ADAMTS6: variants seen among roughly 807,000 people sequenced by gnomAD.
ADAMTS6 encodes A disintegrin and metalloproteinase with thrombospondin motifs 6.
Under a neutral mutation model 144.3 loss-of-function variants are expected in ADAMTS6, and 23 were observed. That is an observed-to-expected ratio of 0.16 (90% CI 0.11 to 0.23). The LOEUF (loss-of-function observed/expected upper bound fraction) is 0.23. Among genes scored for constraint, ADAMTS6 ranks in the 10% least tolerant of loss-of-function variants. ADAMTS6 has a pLI of 1.00. For synonymous variants in ADAMTS6, 444 were observed against 457.5 expected (o/e 0.97, Z 0.38); for missense variants, 999 against 1,379.6 (o/e 0.72, Z 4.37).
chr5:65,163,100 G>C (rs1392545604), intron 24 of ADAMTS6, among the ~76,000 whole-genome samples: 1 of 152,076 alleles, frequency 6.6e-6, no homozygotes, highest in Admixed American at 6.6e-5. Flanking sequence ...TGTAGAGACA[G>C]TGTCTCACTA....
At chr5:65,175,885 A>T (rs1358336885) in intron 22 of ADAMTS6, among the ~76,000 whole-genome samples, 2 of 152,056 alleles carry the variant, frequency 1.3e-5, no homozygotes, top group Non-Finnish European at 2.9e-5. Flanking sequence ...AAAAAAAAAA[A>T]ACATCTATAC....
At chr5:65,435,917 C>T (rs1464576149) in intron 7 of ADAMTS6, among the ~76,000 whole-genome samples, 8 of 152,106 alleles carry the variant, frequency 5.3e-5, no homozygotes, top group African/African-American at 1.9e-4. Context: ...TGAGCCACTG[C>T]ACCCGGCCTT....
chr5:65,468,358 A>T (rs750745402), intron 3 of ADAMTS6, among the ~76,000 whole-genome samples: 1 of 151,736 alleles, frequency 6.6e-6, no homozygotes, highest in Admixed American at 6.6e-5. Flanking sequence ...AAAATGTAAC[A>T]TCCATAGGAG....
intron 18 of ADAMTS6, among the ~76,000 whole-genome samples, chr5:65,217,175 T>C (rs538354367): frequency 2.0e-5 from 3 of 152,306 alleles, no homozygotes; most frequent in South Asian, 2.1e-4. Context: ...AACAAGCAAA[T>C]AGAAGAAATA....
intron 18 of ADAMTS6, among the ~76,000 whole-genome samples, chr5:65,219,008 T>C (rs1263177214): frequency 1.3e-5 from 2 of 152,066 alleles, no homozygotes; most frequent in African/African-American, 2.4e-5. Flanking sequence ...AGCTATTTAT[T>C]AGAGATTAAG....
At chr5:65,474,387 T>C (rs1017997081) in intron 1 of ADAMTS6, among the ~76,000 whole-genome samples, 3 of 152,018 alleles carry the variant, frequency 2.0e-5, no homozygotes, top group African/African-American at 7.2e-5. Flanking sequence ...ATAAGGCACC[T>C]ATCATTTTTT....
At chr5:65,297,818 G>A (rs907167735) in intron 10 of ADAMTS6, among the ~76,000 whole-genome samples, 77 of 152,094 alleles carry the variant, frequency 5.1e-4, no homozygotes, top group Non-Finnish European at 1.6e-4. Flanking sequence ...AGGAGGGAAA[G>A]CCAAGTTTTC....
intron 7 of ADAMTS6, among the ~76,000 whole-genome samples, chr5:65,371,837 T>G (rs367616288): frequency 1.6e-4 from 25 of 152,084 alleles, no homozygotes; most frequent in East Asian, 7.7e-4. Context: ...CACCAAAGTT[T>G]AAATGAAGGA....
intron 7 of ADAMTS6, among the ~76,000 whole-genome samples, chr5:65,412,279 G>C (rs1484870632): frequency 6.6e-6 from 1 of 152,086 alleles, no homozygotes; most frequent in African/African-American, 2.4e-5. Context: ...AATTGTAATA[G>C]TAGAATGACT....
intron 7 of ADAMTS6, among the ~76,000 whole-genome samples, chr5:65,443,661 A>G (rs562233277): frequency 2.0e-5 from 3 of 150,608 alleles, no homozygotes; most frequent in African/African-American, 7.3e-5. Flanking sequence ...TTGGTATTCT[A>G]AACCAATCAT....
intron 9 of ADAMTS6, among the ~76,000 whole-genome samples, chr5:65,323,376 T>C (rs1745826900): frequency 6.6e-6 from 1 of 150,930 alleles, no homozygotes; most frequent in African/African-American, 2.4e-5. Flanking sequence ...TGTTTGGTTT[T>C]TTGTCCTTCC....
intron 14 of ADAMTS6, among the ~76,000 whole-genome samples, chr5:65,250,629 G>A (rs1760075399): frequency 6.6e-6 from 1 of 152,134 alleles, no homozygotes; most frequent in Admixed American, 6.6e-5. Context: ...GAAATCAAAT[G>A]TTTAATATGC....
intron 7 of ADAMTS6, among the ~76,000 whole-genome samples, chr5:65,342,247 A>G (rs929239648): frequency 6.6e-6 from 1 of 152,152 alleles, no homozygotes; most frequent in African/African-American, 2.4e-5. Context: ...ACAAAAAAAA[A>G]GAGGTTTAAT....
At chr5:65,191,889 C>T (rs1755036948) in intron 21 of ADAMTS6, among the ~76,000 whole-genome samples, 3 of 151,994 alleles carry the variant, frequency 2.0e-5, no homozygotes, top group Admixed American at 2.0e-4. Context: ...ATCAAAGTGC[C>T]ACCAGACATT....
At chr5:65,153,945 C>T (rs929739127) in intron 24 of ADAMTS6, among the ~76,000 whole-genome samples, 10 of 152,292 alleles carry the variant, frequency 6.6e-5, no homozygotes, top group South Asian at 2.1e-4. Flanking sequence ...CAGTGGCTCA[C>T]GTTTGTAATC....
intron 7 of ADAMTS6, among the ~76,000 whole-genome samples, chr5:65,409,784 A>G (rs1466049272): frequency 6.6e-6 from 1 of 152,224 alleles, no homozygotes; most frequent in African/African-American, 2.4e-5. Flanking sequence ...CAGCACATCA[A>G]AAAGTTTATT....
chr5:65,185,094 C>T (rs184506190), intron 22 of ADAMTS6, among the ~76,000 whole-genome samples: 3 of 152,252 alleles, frequency 2.0e-5, no homozygotes, highest in Non-Finnish European at 2.9e-5. Context: ...GACTGAATAC[C>T]GCCTGCTCTT....
chr5:65,462,433 A>G (rs1010892289), intron 3 of ADAMTS6, among the ~76,000 whole-genome samples: 4 of 152,226 alleles, frequency 2.6e-5, no homozygotes, highest in African/African-American at 9.6e-5. Flanking sequence ...AAAAGACTCT[A>G]GAAGAACAAT....
At chr5:65,474,796 CAAAAAAA>C (rs11330695) in intron 1 of ADAMTS6, among the ~76,000 whole-genome samples, 1 of 78,880 alleles carries the variant, frequency 1.3e-5, no homozygotes, top group Non-Finnish European at 2.6e-5. Flanking sequence ...AAACTGTGAC[CAAAAAAA>C]AAAAAAAAAA....
Sources: allele counts gnomAD v4.1 joint callset (sites outside exome capture counted in the v4.1 genomes callset), GRCh38; gene constraint gnomAD v4.1.1; transcripts MANE v1.5; gene names NCBI Gene and HGNC (gene_info 2026-07-23, HGNC 2026-07-21).